C1QTNF3: variants seen among roughly 807,000 people sequenced by gnomAD.
C1QTNF3 encodes the protein C1q and TNF related 3, also known as complement C1q tumor necrosis factor-related protein 3.
In C1QTNF3, 26 loss-of-function variants were observed where a neutral mutation model predicts 32.6. The observed-to-expected ratio is 0.80, with a 90% CI of 0.58 to 1.11. The LOEUF is 1.11. C1QTNF3 is among the 50% of genes least tolerant of loss of function. The pLI, the probability that C1QTNF3 is intolerant of heterozygous loss-of-function variation, is 0.00. For synonymous variants in C1QTNF3, 155 were observed against 146.0 expected, an observed-to-expected ratio of 1.06 and a Z score of -0.44; for missense variants, 362 against 398.2, an observed-to-expected ratio of 0.91 and a Z score of 0.77.
the C1QTNF3 span, among the ~76,000 whole-genome samples, chr5:34,115,845 T>G: frequency 6.6e-6 from 1 of 152,292 alleles, no homozygotes; most frequent in South Asian, 2.1e-4. Flanking sequence ...TTATTATATA[T>G]CTGCACATTT....
At chr5:34,066,090 A>G in the C1QTNF3 span, among the ~76,000 whole-genome samples, 1 of 152,218 alleles carries the variant, frequency 6.6e-6, no homozygotes, top group Non-Finnish European at 1.5e-5. Context: ...AAGGTCATAT[A>G]CCAGTTAAAC....
chr5:34,214,165 A>G, the C1QTNF3 span, among the ~76,000 whole-genome samples: 10 of 152,012 alleles, frequency 6.6e-5, no homozygotes, highest in Non-Finnish European at 5.9e-5. Context: ...ACATACAATT[A>G]AGACTTTGAT....
At chr5:34,156,843 T>C in the C1QTNF3 span, among the ~76,000 whole-genome samples, 1 of 152,210 alleles carries the variant, frequency 6.6e-6, no homozygotes, top group Non-Finnish European at 1.5e-5. Context: ...TTTTTCTAAT[T>C]GTTTGAATGA....
the C1QTNF3 span, among the ~76,000 whole-genome samples, chr5:34,117,127 T>G: frequency 6.6e-6 from 1 of 152,094 alleles, no homozygotes; most frequent in South Asian, 2.1e-4. Context: ...GGGAGTGATA[T>G]CTAATACATC....
chr5:34,225,280 T>G, the C1QTNF3 span, among the ~76,000 whole-genome samples: 28 of 152,132 alleles, frequency 1.8e-4, no homozygotes, highest in Admixed American at 1.1e-3. Flanking sequence ...AAATGAGTTA[T>G]ATAGGTAAAA....
chr5:34,241,742 AT>A, the C1QTNF3 span, among the ~76,000 whole-genome samples: 320 of 145,722 alleles, frequency 2.2e-3, no homozygotes, highest in Middle Eastern at 3.6e-3. Context: ...ATCTATACAA[AT>A]TTTTTTTTTT....
the C1QTNF3 span, among the ~76,000 whole-genome samples, chr5:34,205,228 G>C: frequency 6.6e-6 from 1 of 152,016 alleles, no homozygotes; most frequent in African/African-American, 2.4e-5. Flanking sequence ...GATTTTTATT[G>C]TTGGAGTGGG....
At chr5:34,130,132 TACAC>T in the C1QTNF3 span, among the ~76,000 whole-genome samples, 164 of 149,540 alleles carry the variant, frequency 1.1e-3, no homozygotes, top group African/African-American at 2.9e-3. Context: ...TTTATATATA[TACAC>T]ACACACACAC....
chr5:34,177,017 AC>A, the C1QTNF3 span, among the ~76,000 whole-genome samples: 1 of 152,006 alleles, frequency 6.6e-6, no homozygotes. Context: ...ACACAGTGAA[AC>A]CCAGTCTCTA....
the C1QTNF3 span, among the ~76,000 whole-genome samples, chr5:34,121,804 T>G: frequency 6.6e-6 from 1 of 152,166 alleles, no homozygotes; most frequent in African/African-American, 2.4e-5. Flanking sequence ...TTTTGGAAAA[T>G]GATTAGGTCA....
At chr5:34,058,192 G>A in the C1QTNF3 span, among the ~76,000 whole-genome samples, 2 of 152,114 alleles carry the variant, frequency 1.3e-5, no homozygotes, top group African/African-American at 4.8e-5. Context: ...CTCTGTGGAT[G>A]TCATTTGAGG....
At chr5:34,137,239 T>C in the C1QTNF3 span, among the ~76,000 whole-genome samples, 29 of 152,268 alleles carry the variant, frequency 1.9e-4, 1 homozygote, top group East Asian at 5.4e-3. Context: ...CCCTGAAAGT[T>C]TTCATATGTT....
the C1QTNF3 span, among the ~76,000 whole-genome samples, chr5:34,235,837 T>C: frequency 7.2e-5 from 11 of 152,264 alleles, no homozygotes; most frequent in Non-Finnish European, 1.5e-4. Context: ...GATTTCTATA[T>C]TACTTGGAAT....
At chr5:34,064,992 T>C in the C1QTNF3 span, among the ~76,000 whole-genome samples, 1 of 152,196 alleles carries the variant, frequency 6.6e-6, no homozygotes, top group Non-Finnish European at 1.5e-5. Flanking sequence ...TGGCGAAGAA[T>C]TTTTGGCTAA....
At chr5:34,115,006 A>G in the C1QTNF3 span, among the ~76,000 whole-genome samples, 12 of 152,246 alleles carry the variant, frequency 7.9e-5, no homozygotes, top group East Asian at 2.1e-3. Flanking sequence ...TTATTCAATA[A>G]TGTTCTCCTA....
At chr5:34,147,847 G>A in the C1QTNF3 span, among the ~76,000 whole-genome samples, 1 of 152,188 alleles carries the variant, frequency 6.6e-6, no homozygotes. Flanking sequence ...AACAAGGGCG[G>A]GAGGAGCCAA....
the C1QTNF3 span, among the ~76,000 whole-genome samples, chr5:34,057,636 T>C: frequency 6.6e-6 from 1 of 152,348 alleles, no homozygotes; most frequent in South Asian, 2.1e-4. Flanking sequence ...ATTTAATGTA[T>C]TTTCTAATTT....
chr5:34,196,049 T>G, the C1QTNF3 span, among the ~76,000 whole-genome samples: 2 of 152,394 alleles, frequency 1.3e-5, no homozygotes, highest in South Asian at 2.1e-4. Context: ...ATTTCCAATC[T>G]AGGAAGCAGG....
At chr5:34,170,891 ATTCAATTT>A in the C1QTNF3 span, among the ~76,000 whole-genome samples, 2 of 152,150 alleles carry the variant, frequency 1.3e-5, no homozygotes, top group African/African-American at 4.8e-5. Flanking sequence ...AGAATTACAG[ATTCAATTT>A]TTCTGATAGT....
Sources: gnomAD v4.1 joint callset for allele counts (sites outside exome capture counted in the v4.1 genomes callset) on GRCh38, gnomAD v4.1.1 for gene constraint, MANE v1.5 for transcripts, NCBI Gene and HGNC (gene_info 2026-07-23, HGNC 2026-07-21) for gene names.